The following ADAMTS2 variants were observed in gnomAD, a reference collection of about 807,000 sequenced individuals.
The protein encoded by ADAMTS2 is ADAM metallopeptidase with thrombospondin type 1 motif 2, also known as A disintegrin and metalloproteinase with thrombospondin motifs 2.
A neutral mutation model predicts 123.0 loss-of-function variants in ADAMTS2; 50 were observed. That is an observed-to-expected ratio of 0.41 (90% confidence interval 0.32 to 0.51). The LOEUF (loss-of-function observed/expected upper bound fraction) is 0.51, where lower values mean the gene tolerates loss of function less well. Among genes scored for constraint, ADAMTS2 ranks in the 20% least tolerant of loss-of-function variants. The pLI is 0.35. For missense variants in ADAMTS2, 1,494 were observed against 1,705.2 expected (o/e 0.88, Z 2.18); for synonymous variants, 678 against 695.4 (o/e 0.98, Z 0.39).
chr5:179,258,523 G>A (rs998572453), intron 3 of ADAMTS2, among the ~76,000 whole-genome samples: 3 of 152,296 alleles, frequency 2.0e-5, no homozygotes, highest in African/African-American at 4.8e-5. Flanking sequence ...AGAGCATGAG[G>A]AGGCTGAAGG....
At position 179,317,144 on chromosome 5, in the gene ADAMTS2, C is replaced by T. The variant is rs887428884; in HGVS notation, c.534+26623G>A. 2.6e-5 allele frequency among the ~76,000 whole-genome samples: 4 copies of T among 152,136 alleles called. No homozygotes were observed. Among genetic ancestry groups the T allele is most frequent in the Non-Finnish European group, 4.4e-5 (3 of 68,016 alleles). On this transcript the variant is annotated intron_variant, in intron 2 of 21. Transcript: ENST00000251582. This position sits in a 1 kb window ranked among gnomAD's most constrained non-coding sequence, Gnocchi z 4.9. ...CCCACGTGGCCTGGGTCCCCACAGC[C>T]TCCAGCCCTCCTGTCACTCTGCCAG...
intron 3 of ADAMTS2, among the ~76,000 whole-genome samples, chr5:179,245,733 T>C (rs1765772720): frequency 9.7e-6 from 1 of 103,244 alleles, no homozygotes; most frequent in South Asian, 3.6e-4. Flanking sequence ...GCCACTGCAC[T>C]CCAGCCTGGG....
At chr5:179,319,686 C>G (rs1305568092) in intron 2 of ADAMTS2, among the ~76,000 whole-genome samples, 1 of 151,088 alleles carries the variant, frequency 6.6e-6, no homozygotes, top group African/African-American at 2.4e-5. Flanking sequence ...TCCCAGCCCT[C>G]CCCATCCACA....
intron 3 of ADAMTS2, among the ~76,000 whole-genome samples, chr5:179,257,453 C>T (rs115935034): frequency 0.01 from 1,565 of 152,272 alleles, 30 homozygotes; most frequent in African/African-American, 0.036. Context: ...GGGGTCTGTC[C>T]GCCCAGCCCG....
At chr5:179,221,911 C>T (rs991811981) in intron 3 of ADAMTS2, among the ~76,000 whole-genome samples, 5 of 152,148 alleles carry the variant, frequency 3.3e-5, no homozygotes, top group Admixed American at 3.3e-4. Context: ...CAGGCCTGCC[C>T]AACCTTTGTT....
chr5:179,345,394 A>C lies in ADAMTS2; in HGVS notation c.-66T>G. ...CGCGAAAGTTCCCCGCGAGCCGCCC[A>C]GCCCACATCTGGGGGCAGCTGGAGC... On this transcript the variant is annotated 5_prime_UTR_variant, in exon 1 of 22. Coordinates refer to ENST00000251582, the MANE Select transcript of ADAMTS2 (RefSeq NM_014244.5). This position sits in a 1 kb window ranked among gnomAD's most constrained non-coding sequence, Gnocchi z 7.5. 1 of 1,079,486 alleles carries C rather than the reference A, an allele frequency of 9.3e-7. No individual in the cohort carries two copies. The highest frequency in any genetic ancestry group is 1.1e-6 in the Non-Finnish European group (1 of 890,980). 66.9% of individuals were successfully genotyped at this position (1,079,486 alleles called of 1,614,324 possible).
chr5:179,343,681 C>T, intron 2 of ADAMTS2, 86 bp downstream of exon 2: 1 of 1,529,818 alleles, frequency 6.5e-7, no homozygotes, highest in Non-Finnish European at 8.8e-7. Context: ...GCAGGCCTTG[C>T]CCTCCCAAGG....
At chr5:179,147,814 G>GT (rs1178382474) in intron 10 of ADAMTS2, among the ~76,000 whole-genome samples, 3 of 152,186 alleles carry the variant, frequency 2.0e-5, no homozygotes, top group African/African-American at 7.2e-5. Flanking sequence ...GAGGGGAAGT[G>GT]TATCAGTGGC....
chr5:179,125,841 G>A (rs1032819768), intron 18 of ADAMTS2, among the ~76,000 whole-genome samples, 157 bp downstream of exon 18: 1 of 152,238 alleles, frequency 6.6e-6, no homozygotes, highest in African/African-American at 2.4e-5. Flanking sequence ...TGCGCCTTCT[G>A]CCCTGCAGCA....
chr5:179,116,086 C>T (rs1762652057), intron 21 of ADAMTS2, among the ~76,000 whole-genome samples: 1 of 152,112 alleles, frequency 6.6e-6, no homozygotes, highest in South Asian at 2.1e-4. Context: ...CTGGGTGCCC[C>T]GTCCTAGACA....
At chr5:179,241,544 G>A (rs545505637) in intron 3 of ADAMTS2, among the ~76,000 whole-genome samples, 2 of 152,314 alleles carry the variant, frequency 1.3e-5, no homozygotes, top group East Asian at 1.9e-4. Flanking sequence ...CGTTCAAAAC[G>A]ACATGAAAAT....
intron 5 of ADAMTS2, among the ~76,000 whole-genome samples, chr5:179,176,757 T>A (rs1345238008): frequency 6.6e-6 from 1 of 152,206 alleles, no homozygotes; most frequent in Non-Finnish European, 1.5e-5. Context: ...GCTGCCCTCA[T>A]GGGCAAGCCA....
rs1762608432 is a variant in ADAMTS2 at position 179,113,564 on chromosome 5, C to A, written c.*303G>T. On this transcript the variant is annotated 3_prime_UTR_variant, in exon 22 of 22. Coordinates refer to ENST00000251582, the MANE Select transcript of ADAMTS2 (RefSeq NM_014244.5). The stretch of plus-strand genomic sequence containing the variant: ...TAGCAACTTGGGGCCTATTTTTGTT[C>A]TCTCAGAGTGATCCCTCTTGCCCTG... 2 of 431,070 alleles carry A rather than the reference C, an allele frequency of 4.6e-6. No individual in the cohort carries two copies. Among genetic ancestry groups the A allele is most frequent in the African/African-American group, 2.0e-5 (1 of 50,228 alleles). The allele number at this position is 431,070 out of a possible 1,614,324, so 26.7% of individuals were successfully genotyped here.
At chr5:179,123,935 A>G (rs1762808099) in intron 19 of ADAMTS2, among the ~76,000 whole-genome samples, 1 of 152,062 alleles carries the variant, frequency 6.6e-6, no homozygotes, top group Non-Finnish European at 1.5e-5. Flanking sequence ...GACCCCATTG[A>G]AAACCCTGGA....
In ADAMTS2 at chr5:179,132,137, C is replaced by T. The variant is rs1010994621; in HGVS notation, c.2290+93G>A. 323 of 1,288,652 alleles carry T rather than the reference C, an allele frequency of 2.5e-4. No homozygotes were observed. The highest frequency in any genetic ancestry group is 3.3e-4 in the Non-Finnish European group (299 of 901,672). 79.8% of individuals were successfully genotyped at this position (1,288,652 alleles called of 1,614,324 possible). Reference sequence around the variant, plus strand: ...TGGCTCAGGTCATGGCTGCACAACCCGGGCCCCTGACCCCTGACCCCTGGC... The same window carrying T: ...TGGCTCAGGTCATGGCTGCACAACCTGGGCCCCTGACCCCTGACCCCTGGC... On this transcript the variant is annotated intron_variant, in intron 15 of 21. Coordinates refer to ENST00000251582, the MANE Select transcript of ADAMTS2 (RefSeq NM_014244.5). This position sits in a 1 kb window ranked among gnomAD's most constrained non-coding sequence, Gnocchi z 6.1.
chr5:179,184,251 G>A (rs252076), intron 4 of ADAMTS2, among the ~76,000 whole-genome samples: 87,331 of 151,900 alleles, frequency 0.57, 25,643 homozygotes, highest in East Asian at 0.77. Context: ...AGTGGCTCAC[G>A]CCTGCAATCC....
chr5:179,241,451 C>A (rs949031120), intron 3 of ADAMTS2, among the ~76,000 whole-genome samples: 1 of 152,176 alleles, frequency 6.6e-6, no homozygotes, highest in Non-Finnish European at 1.5e-5. Context: ...CAAAACGAGG[C>A]GAGTTCGGGT....
intron 3 of ADAMTS2, among the ~76,000 whole-genome samples, chr5:179,210,411 C>A (rs1010032127): frequency 6.6e-5 from 10 of 152,242 alleles, no homozygotes; most frequent in Non-Finnish European, 1.2e-4. Flanking sequence ...TTAAAAACAG[C>A]AAAGGTTTCT....
chr5:179,338,348 G>A (rs545810212), intron 2 of ADAMTS2, among the ~76,000 whole-genome samples: 3 of 152,302 alleles, frequency 2.0e-5, no homozygotes, highest in South Asian at 2.1e-4. Flanking sequence ...CAGGAAAACC[G>A]CAGGGACTGG....
Sources: allele counts gnomAD v4.1 joint callset (sites outside exome capture counted in the v4.1 genomes callset), GRCh38; gene constraint gnomAD v4.1.1; non-coding constraint Gnocchi (gnomAD v3.1); transcripts MANE v1.5; gene names NCBI Gene and HGNC (gene_info 2026-07-23, HGNC 2026-07-21).